The following WDR41 variants were observed in gnomAD, a reference collection of about 807,000 sequenced individuals.
The protein encoded by WDR41 is WD repeat-containing protein 41.
Under a neutral mutation model 69.3 loss-of-function variants are expected in WDR41, and 63 were observed. That is an observed-to-expected ratio of 0.91 (90% CI 0.74 to 1.12). The LOEUF is 1.12. Among genes scored for constraint, WDR41 ranks in the 50% most tolerant of loss-of-function variants. WDR41 has a pLI of 0.00. For synonymous variants in WDR41, 185 were observed against 192.1 expected, an observed-to-expected ratio of 0.96 and a Z score of 0.31; for missense variants, 543 against 534.5, an observed-to-expected ratio of 1.02 and a Z score of -0.16.
chr5:77,484,932 T>G (rs914875522), intron 2 of WDR41, among the ~76,000 whole-genome samples: 11 of 152,200 alleles, frequency 7.2e-5, no homozygotes, highest in Non-Finnish European at 1.5e-4. Context: ...TTAAGCAAGA[T>G]AGTAGAAGCC....
At position 77,477,185 on chromosome 5, in the gene WDR41, T is replaced by A. The variant is rs190683316; in HGVS notation, c.167+12272A>T. Reference sequence around the variant, plus strand: ...CCAGATGAATAAAGCAAGTCCTGAGTGACCTACAAAGAGACTTAGACTCCC... The same window carrying A: ...CCAGATGAATAAAGCAAGTCCTGAGAGACCTACAAAGAGACTTAGACTCCC... On this transcript the variant is annotated intron_variant, in intron 2 of 12. Transcript: ENST00000296679. Among the ~76,000 whole-genome samples the A allele has an allele frequency of 2.9e-3, 430 of 148,316 alleles. 7 individuals carry two copies. Among genetic ancestry groups the A allele is most frequent in the African/African-American group, 0.01 (395 of 38,244 alleles).
chr5:77,583,633 A>C (rs920684613), intron 1 of WDR41, among the ~76,000 whole-genome samples: 1 of 152,072 alleles, frequency 6.6e-6, no homozygotes, highest in Admixed American at 6.6e-5. Context: ...ATTTTAAAAA[A>C]CTACCAACAG....
chr5:77,475,523 G>A (rs1212075448), intron 2 of WDR41, among the ~76,000 whole-genome samples: 4 of 152,226 alleles, frequency 2.6e-5, no homozygotes, highest in African/African-American at 4.8e-5. Context: ...CCTGACCCCC[G>A]AGCAGCCTAA....
intron 2 of WDR41, among the ~76,000 whole-genome samples, chr5:77,483,990 T>C (rs1801403083): frequency 6.6e-6 from 1 of 152,178 alleles, no homozygotes; most frequent in South Asian, 2.1e-4. Context: ...TTCAAGAAAA[T>C]AATTTTCAAA....
intron 6 of WDR41, among the ~76,000 whole-genome samples, chr5:77,453,115 A>C (rs1407395218): frequency 6.6e-6 from 1 of 152,152 alleles, no homozygotes; most frequent in East Asian, 1.9e-4. Context: ...ACGTGGAGCT[A>C]AGCTAGCTCC....
chr5:77,614,667 A>C, intron 1 of WDR41, among the ~76,000 whole-genome samples: 1 of 88,554 alleles, frequency 1.1e-5, no homozygotes, highest in African/African-American at 4.3e-5. Flanking sequence ...GGGAGGGGGG[A>C]GGGATAGCAT....
At chr5:77,447,769 G>C (rs1799444012) in intron 8 of WDR41, among the ~76,000 whole-genome samples, 1 of 152,084 alleles carries the variant, frequency 6.6e-6, no homozygotes, top group African/African-American at 2.4e-5. Flanking sequence ...ACCTGTTGTG[G>C]GGAAGGGGAG....
At chr5:77,442,747 G>A (rs1799213267) in intron 8 of WDR41, among the ~76,000 whole-genome samples, 1 of 151,216 alleles carries the variant, frequency 6.6e-6, no homozygotes, top group African/African-American at 2.4e-5. Flanking sequence ...AAAAAATTAG[G>A]TGGGCGTGGT....
At chr5:77,584,371 C>T (rs976073348) in intron 1 of WDR41, among the ~76,000 whole-genome samples, 2 of 152,064 alleles carry the variant, frequency 1.3e-5, no homozygotes, top group East Asian at 1.9e-4. Flanking sequence ...TATTAAAACT[C>T]GTAAATGAGT....
At chr5:77,537,729 C>T (rs146126166) in intron 1 of WDR41, among the ~76,000 whole-genome samples, 1 of 152,136 alleles carries the variant, frequency 6.6e-6, no homozygotes, top group African/African-American at 2.4e-5. Context: ...GTCGGTCTCT[C>T]CAGCAGCAAG....
intron 1 of WDR41, among the ~76,000 whole-genome samples, chr5:77,521,094 C>T (rs1001527201): frequency 2.6e-5 from 4 of 151,764 alleles, no homozygotes; most frequent in Non-Finnish European, 1.5e-5. Flanking sequence ...CCTAAGGTTC[C>T]TTTTAAGCCA....
At chr5:77,451,737 A>G (rs192489687) in intron 6 of WDR41, 1 of 168,668 alleles carries the variant, frequency 5.9e-6, no homozygotes, top group East Asian at 1.8e-4. Flanking sequence ...CTTCATGTAA[A>G]CTTTAGAAGC....
intron 1 of WDR41, among the ~76,000 whole-genome samples, chr5:77,543,525 C>T (rs769404812): frequency 1.3e-5 from 2 of 151,978 alleles, no homozygotes; most frequent in African/African-American, 2.4e-5. Context: ...AAAATCTCAG[C>T]AATAGAACTG....
intron 1 of WDR41, among the ~76,000 whole-genome samples, chr5:77,540,232 T>C (rs776322879): frequency 3.5e-4 from 53 of 152,206 alleles, no homozygotes; most frequent in Non-Finnish European, 6.2e-4. Flanking sequence ...CTTTGATAAT[T>C]CTGCAAACAT....
intron 7 of WDR41, among the ~76,000 whole-genome samples, chr5:77,451,087 C>T (rs992277182): frequency 6.6e-5 from 10 of 152,138 alleles, no homozygotes; most frequent in African/African-American, 1.7e-4. Context: ...ACCAAGCTAA[C>T]ATACTGATTA....
chr5:77,541,527 C>G (rs1743088842), intron 1 of WDR41, among the ~76,000 whole-genome samples: 2 of 118,480 alleles, frequency 1.7e-5, no homozygotes, highest in Non-Finnish European at 3.2e-5. Flanking sequence ...GAGTCTTGCT[C>G]TGTTGCCCAG....
chr5:77,524,518 A>G (rs1474193989), intron 1 of WDR41, among the ~76,000 whole-genome samples: 1 of 152,164 alleles, frequency 6.6e-6, no homozygotes, highest in Non-Finnish European at 1.5e-5. Context: ...CTTGAGCCCA[A>G]GAATTTGAGG....
At chr5:77,551,903 A>G (rs59284579) in intron 1 of WDR41, among the ~76,000 whole-genome samples, 25,289 of 150,028 alleles carry the variant, frequency 0.17, 3,641 homozygotes, top group African/African-American at 0.37. Flanking sequence ...CGCTTGAACT[A>G]GGGAGGCGGA....
At chr5:77,583,123 G>C (rs1411046419) in intron 1 of WDR41, 1 of 1,424,426 alleles carries the variant, frequency 7.0e-7, no homozygotes, top group African/African-American at 1.4e-5. Context: ...AATGAACTAA[G>C]GTGTCTACCA....
Sources: allele counts gnomAD v4.1 joint callset (sites outside exome capture counted in the v4.1 genomes callset), GRCh38; gene constraint gnomAD v4.1.1; transcripts MANE v1.5; gene names NCBI Gene and HGNC (gene_info 2026-07-23, HGNC 2026-07-21).